Variants in LANCL2 observed in about 807,000 individuals in gnomAD.
LANCL2 encodes lanC-like protein 2.
A neutral mutation model predicts 56.9 loss-of-function variants in LANCL2; 33 were observed. That is an observed-to-expected ratio of 0.58 (90% confidence interval 0.44 to 0.78). The LOEUF is 0.78. Among genes scored for constraint, LANCL2 ranks in the 30% least tolerant of loss-of-function variants. The pLI is 0.00. For synonymous variants in LANCL2, 233 were observed against 228.2 expected (o/e 1.02, Z -0.19); for missense variants, 562 against 580.2 (o/e 0.97, Z 0.32).
In LANCL2 at chr7:55,399,971, A is replaced by G. The variant is rs779128602; in HGVS notation, c.545A>G (p.Gln182Arg). 6.2e-7 allele frequency: 1 copy of G among 1,611,992 alleles called. No homozygotes were observed. Among genetic ancestry groups the G allele is most frequent in the East Asian group, 2.2e-5 (1 of 44,844 alleles). ...TTATTGGTTAGACTTTTGCAGCTCC[A>G]GAGATCGGTTGTCTGCCAAGAATCA... ...QECVTKLLQL[Q>R]RSVVCQESDL... The change falls in exon 4 of 9, where the codon CAG becomes CGG. Residue 182 changes from glutamine to arginine, a missense_variant. Gln to Arg is a conservative substitution (Grantham distance 43). Around this residue, in one of 2 missense-constraint regions of LANCL2, gnomAD observed 378 missense variants for 468.4 expected, o/e 0.81. Coordinates refer to ENST00000254770, the MANE Select transcript of LANCL2 (RefSeq NM_018697.4).
intron 1 of LANCL2, among the ~76,000 whole-genome samples, chr7:55,366,486 C>T (rs1249501221): frequency 6.6e-6 from 1 of 152,232 alleles, no homozygotes; most frequent in Non-Finnish European, 1.5e-5. Context: ...GTGCGCTTTC[C>T]TTCTTGGCCC....
intron 2 of LANCL2, among the ~76,000 whole-genome samples, chr7:55,397,656 C>CTTTTTTTT (rs10659615): frequency 4.6e-4 from 50 of 108,784 alleles, no homozygotes; most frequent in Non-Finnish European, 7.2e-4. Context: ...TATACTGATT[C>CTTTTTTTT]TTTTTTTTTT....
At chr7:55,422,014 G>C (rs1183728440) in intron 6 of LANCL2, among the ~76,000 whole-genome samples, 20 of 152,204 alleles carry the variant, frequency 1.3e-4, no homozygotes, top group Admixed American at 1.3e-3. Context: ...TTACAGGTGT[G>C]AACTACCATA....
In LANCL2 at chr7:55,366,183, C is replaced by T. The variant is rs778264159; in HGVS notation, c.158C>T (p.Pro53Leu). ...GAAGAGACAGGCTGTGTTCGTCCCC[C>T]GGCGACCACGGATGAGCCCGGCCTC... ...AAEETGCVRP[P>L]ATTDEPGLPF... Residue 53 changes from proline (P) to leucine (L), a missense_variant, in exon 1 of 9, where the codon CCG becomes CTG. By Grantham distance (98) the Pro-to-Leu change is moderately conservative. This residue lies in a region of LANCL2 where 184 missense variants were observed against 111.8 expected (regional missense o/e 1.65). Transcript: ENST00000254770. 1.5e-5 allele frequency: 24 copies of T among 1,556,854 alleles called. No homozygotes were observed. The South Asian group carries it at 2.7e-4, about 18-fold the overall frequency.
intron 5 of LANCL2, among the ~76,000 whole-genome samples, chr7:55,404,334 G>A (rs768231844): frequency 2.8e-4 from 43 of 151,930 alleles, no homozygotes; most frequent in Non-Finnish European, 5.6e-4. Flanking sequence ...TTAAATTTAA[G>A]CTTTCTTTAT....
At chr7:55,416,850 A>G (rs1204164630) in intron 6 of LANCL2, among the ~76,000 whole-genome samples, 1 of 151,196 alleles carries the variant, frequency 6.6e-6, no homozygotes, top group South Asian at 2.1e-4. Context: ...AACCTTATCT[A>G]CCCTCAGGTT....
chr7:55,401,344 C>G (rs1485093769), intron 5 of LANCL2, 24 bp downstream of exon 5: 10 of 1,588,368 alleles, frequency 6.3e-6, no homozygotes, highest in Non-Finnish European at 7.8e-6. Flanking sequence ...CTCTTACACA[C>G]TACAGTATAT....
intron 1 of LANCL2, among the ~76,000 whole-genome samples, chr7:55,391,173 C>T (rs905875319): frequency 5.5e-5 from 8 of 145,674 alleles, no homozygotes; most frequent in African/African-American, 1.5e-4. Flanking sequence ...CCCGCCACCA[C>T]GCCCGGCTAA....
intron 1 of LANCL2, among the ~76,000 whole-genome samples, chr7:55,376,698 A>G (rs1790007093): frequency 1.3e-5 from 2 of 152,098 alleles, no homozygotes; most frequent in Admixed American, 1.3e-4. Context: ...ACATTTATAT[A>G]TTTTCTTGAG....
chr7:55,395,055 G>C (rs1481029046), intron 2 of LANCL2, among the ~76,000 whole-genome samples: 1 of 152,176 alleles, frequency 6.6e-6, no homozygotes, highest in Non-Finnish European at 1.5e-5. Flanking sequence ...AGGAAATCTG[G>C]CCACCAGACT....
intron 1 of LANCL2, among the ~76,000 whole-genome samples, chr7:55,377,764 G>A (rs1388594977): frequency 1.3e-5 from 2 of 152,236 alleles, no homozygotes; most frequent in East Asian, 1.9e-4. Context: ...TTTTCTTCCC[G>A]ATTGCAATGT....
chr7:55,385,911 C>G (rs980485245), intron 1 of LANCL2, among the ~76,000 whole-genome samples: 3 of 152,124 alleles, frequency 2.0e-5, no homozygotes, highest in Non-Finnish European at 4.4e-5. Flanking sequence ...GAGACCTACC[C>G]CTAGGTGCGC....
chr7:55,375,993 G>A (rs971518689), intron 1 of LANCL2, among the ~76,000 whole-genome samples: 1 of 152,186 alleles, frequency 6.6e-6, no homozygotes, highest in Non-Finnish European at 1.5e-5. Flanking sequence ...TTAAATAGGA[G>A]AAGTTTCTCT....
chr7:55,432,587 A>G lies in LANCL2; in HGVS notation c.*1267A>G, dbSNP rs1182862690. On this transcript the variant is annotated 3_prime_UTR_variant, in exon 9 of 9. Transcript: ENST00000254770. ...AGCTAAGGCTTGTGTCATGAAAGACAAGAGGCCTCTCTTAACAGCCCAGTC... is the reference window on the plus strand; with the variant it reads ...AGCTAAGGCTTGTGTCATGAAAGACGAGAGGCCTCTCTTAACAGCCCAGTC... 2 of 152,208 alleles carry G rather than the reference A, an allele frequency of 1.3e-5. No individual in the cohort carries two copies. The highest frequency in any genetic ancestry group is 2.9e-5 in the Non-Finnish European group (2 of 68,036). 9.4% of individuals were successfully genotyped at this position (152,208 alleles called of 1,614,324 possible).
chr7:55,382,569 G>T (rs1790081344), intron 1 of LANCL2, among the ~76,000 whole-genome samples: 1 of 152,166 alleles, frequency 6.6e-6, no homozygotes, highest in African/African-American at 2.4e-5. Context: ...AATTTGGTGG[G>T]AGGGGACAAG....
rs1209109602 is a variant in LANCL2 at position 55,399,970 on chromosome 7, C to A, written c.544C>A (p.Gln182Lys). The A allele has an allele frequency of 6.2e-7, 1 of 1,611,356 alleles. No homozygotes were observed. Residue 182 changes from glutamine (Q) to lysine (K), a missense_variant, in exon 4 of 9, where the codon CAG becomes AAG. Gln to Lys is a moderately conservative substitution (Grantham distance 53). Transcript: ENST00000254770. ...QECVTKLLQLQRSVVCQESDL... is the reference protein window; with the variant it reads ...QECVTKLLQLKRSVVCQESDL... ...CTTATTGGTTAGACTTTTGCAGCTCCAGAGATCGGTTGTCTGCCAAGAATC... is the reference window on the plus strand; with the variant it reads ...CTTATTGGTTAGACTTTTGCAGCTCAAGAGATCGGTTGTCTGCCAAGAATC...
intron 1 of LANCL2, among the ~76,000 whole-genome samples, chr7:55,382,632 T>C (rs1390461325): frequency 1.3e-5 from 2 of 151,928 alleles, no homozygotes; most frequent in East Asian, 3.9e-4. Context: ...GGGGTCACAG[T>C]GGGTTCTTCT....
At chr7:55,374,350 A>C in intron 1 of LANCL2, among the ~76,000 whole-genome samples, 1 of 152,240 alleles carries the variant, frequency 6.6e-6, no homozygotes, top group South Asian at 2.1e-4. Context: ...GTTTGAAATA[A>C]GAAAACAGAA....
In LANCL2 at chr7:55,391,867, G is replaced by A; in HGVS notation, c.279G>A (p.Lys93=). The A allele has an allele frequency of 6.2e-7, 1 of 1,613,034 alleles. No homozygotes were observed. The highest frequency in any genetic ancestry group is 1.3e-5 in the African/African-American group (1 of 75,048). The change falls in exon 2 of 9, where the codon AAG becomes AAA. Residue 93 remains lysine, a synonymous_variant. Transcript: ENST00000254770. ...DLLQQMEEGL[K]TADPHDCSAY... ...TGCAGCAAATGGAAGAAGGGCTGAA[G>A]ACAGCTGATCCCCATGACTGCTCTG...
Sources: gnomAD v4.1 joint callset for allele counts (sites outside exome capture counted in the v4.1 genomes callset) on GRCh38, gnomAD v4.1.1 for gene constraint, gnomAD v4.1.1 regional missense constraint, MANE v1.5 for transcripts, NCBI Gene and HGNC (gene_info 2026-07-23, HGNC 2026-07-21) for gene names.